Variants in CEP192 observed in about 807,000 individuals in gnomAD.
CEP192 encodes the protein centrosomal protein 192.
A neutral mutation model predicts 271.8 loss-of-function variants in CEP192; 151 were observed. The ratio of observed to expected loss-of-function variants is 0.56; its 90% CI spans 0.49 to 0.64. The LOEUF is 0.64. Among genes scored for constraint, CEP192 ranks in the 30% least tolerant of loss-of-function variants. The pLI is 0.00. For missense variants in CEP192, 2,910 were observed against 3,020.5 expected, an observed-to-expected ratio of 0.96 and a Z score of 0.86; for synonymous variants, 995 against 1,076.5, an observed-to-expected ratio of 0.92 and a Z score of 1.48.
Position 13,069,075 on chromosome 18 carries a change from G to T in CEP192, c.4963-14G>T, listed in dbSNP as rs776687525. On this transcript the variant is annotated splice_polypyrimidine_tract_variant and intron_variant, in intron 25 of 44. Transcript: ENST00000506447. ...GACAGTTCGTTGAAATGTCTGTCTT[G>T]CCCCATCCTCCAGACGATGCATTTC... 3.7e-6 allele frequency: 6 copies of T among 1,614,014 alleles called. No individual in the cohort carries two copies. The highest frequency in any genetic ancestry group is 5.1e-6 in the Non-Finnish European group (6 of 1,179,906).
At chr18:13,110,451 G>A (rs2040159237) in intron 40 of CEP192, among the ~76,000 whole-genome samples, 1 of 150,406 alleles carries the variant, frequency 6.6e-6, no homozygotes, top group African/African-American at 2.4e-5. Flanking sequence ...TTTTTAATAA[G>A]GGCACCAAGA....
chr18:13,115,916 C>T (rs561895106), intron 42 of CEP192, among the ~76,000 whole-genome samples: 2 of 152,116 alleles, frequency 1.3e-5, no homozygotes, highest in Non-Finnish European at 2.9e-5. Context: ...TGCAGAGACC[C>T]GGGAGTGGCC....
At chr18:13,066,998 T>TGTGTGTGTGC (rs756403300) in intron 21 of CEP192, among the ~76,000 whole-genome samples, 74 of 150,932 alleles carry the variant, frequency 4.9e-4, no homozygotes, top group African/African-American at 1.7e-3. Context: ...TGTGTGTGTG[T>TGTGTGTGTGC]GCCTGTATAA....
rs1353094716 is a variant in CEP192, at chr18:13,068,372, T to G, written c.4772T>G (p.Leu1591Arg). ...TTAATTTTATAGGATCCAGAATTTCTGATGATTTGGGTTCTTTTCCATAGT... is the reference window on the plus strand; with the variant it reads ...TTAATTTTATAGGATCCAGAATTTCGGATGATTTGGGTTCTTTTCCATAGT... The part of the protein sequence containing the change: ...ASYDGQDPEF[L>R]MIWVLFHSPK... Residue 1591 changes from leucine to arginine, a missense_variant, in exon 24 of 45, where the codon CTG becomes CGG. By Grantham distance (102) the Leu-to-Arg change is moderately radical. Coordinates refer to ENST00000506447, the MANE Select transcript of CEP192 (RefSeq NM_032142.4). 6 of 1,612,588 alleles carry G rather than the reference T, an allele frequency of 3.7e-6. No homozygotes were observed. The African/African-American group carries it at 5.3e-5, about 14-fold the overall frequency.
intron 18 of CEP192, among the ~76,000 whole-genome samples, chr18:13,055,095 T>C (rs1402654435): frequency 1.3e-5 from 2 of 151,916 alleles, no homozygotes; most frequent in Non-Finnish European, 2.9e-5. Flanking sequence ...CTGGCCAACA[T>C]GGTGAAACCC....
At chr18:13,070,631 G>T (rs2037962441) in intron 27 of CEP192, among the ~76,000 whole-genome samples, 1 of 152,192 alleles carries the variant, frequency 6.6e-6, no homozygotes, top group Non-Finnish European at 1.5e-5. Context: ...GACACACATG[G>T]CTTATCCCCC....
At chr18:13,107,517 T>TA (rs1482169585) in intron 40 of CEP192, among the ~76,000 whole-genome samples, 1 of 152,176 alleles carries the variant, frequency 6.6e-6, no homozygotes, top group Non-Finnish European at 1.5e-5. Flanking sequence ...TGGTTTTCAT[T>TA]AGCTCCAAAC....
At chr18:13,081,086 G>A (rs1211719508) in intron 30 of CEP192, among the ~76,000 whole-genome samples, 2 of 152,146 alleles carry the variant, frequency 1.3e-5, no homozygotes, top group African/African-American at 4.8e-5. Context: ...CAGAGATATT[G>A]GATTAAAATT....
intron 9 of CEP192, among the ~76,000 whole-genome samples, chr18:13,025,336 C>T (rs1446164407): frequency 6.6e-6 from 1 of 152,098 alleles, no homozygotes; most frequent in Non-Finnish European, 1.5e-5. Flanking sequence ...CCTGCCTCAG[C>T]CTTCTGAGCA....
At chr18:13,013,246 G>A (rs2034463167) in intron 5 of CEP192, among the ~76,000 whole-genome samples, 1 of 152,128 alleles carries the variant, frequency 6.6e-6, no homozygotes, top group Non-Finnish European at 1.5e-5. Flanking sequence ...GCTTGGTGAT[G>A]TCAGAGCTGA....
Position 13,092,506 on chromosome 18 carries a change from A to C in CEP192, c.6233A>C (p.Lys2078Thr). The change falls in exon 34 of 45, where the codon AAA (lysine) becomes ACA (threonine). Residue 2078 changes from lysine (K) to threonine (T), a missense_variant. Coordinates refer to ENST00000506447, the MANE Select transcript of CEP192 (RefSeq NM_032142.4). ...SSREFLQPSSKASLESTSDLG... is the reference protein window; with the variant it reads ...SSREFLQPSSTASLESTSDLG... ...AGAGAATTCCTTCAGCCTTCTTCCAAAGCTAGCTTGGAATCTACAAGGTAA... is the reference window on the plus strand; with the variant it reads ...AGAGAATTCCTTCAGCCTTCTTCCACAGCTAGCTTGGAATCTACAAGGTAA... The C allele has an allele frequency of 6.2e-7, 1 of 1,607,786 alleles. No individual in the cohort carries two copies. The highest frequency in any genetic ancestry group is 8.5e-7 in the Non-Finnish European group (1 of 1,177,848).
chr18:13,018,984 A>G (rs577719099), intron 8 of CEP192, 98 bp from the exon 9 acceptor site: 2 of 1,176,748 alleles, frequency 1.7e-6, no homozygotes, highest in Non-Finnish European at 2.3e-6. Context: ...GCTAAGTATT[A>G]GGGTTACATA....
intron 21 of CEP192, among the ~76,000 whole-genome samples, chr18:13,061,056 CT>C (rs1366210265): frequency 6.6e-6 from 1 of 152,220 alleles, no homozygotes; most frequent in East Asian, 1.9e-4. Flanking sequence ...GATGTGGTGT[CT>C]CATGCCTGTA....
chr18:13,008,679 C>A (rs971070395), intron 4 of CEP192, 48 bp downstream of exon 4: 2 of 1,327,770 alleles, frequency 1.5e-6, no homozygotes, highest in Non-Finnish European at 2.0e-6. Context: ...TTTTAATTTC[C>A]TTTTTCATTT....
chr18:13,038,867 T>A (rs1401377573), intron 13 of CEP192, among the ~76,000 whole-genome samples: 1 of 152,232 alleles, frequency 6.6e-6, no homozygotes, highest in Non-Finnish European at 1.5e-5. Flanking sequence ...ATGTAAAGCA[T>A]TTAGCACTAA....
intron 9 of CEP192, among the ~76,000 whole-genome samples, chr18:13,021,305 G>A (rs78527672): frequency 0.025 from 3,753 of 152,190 alleles, 164 homozygotes; most frequent in African/African-American, 0.083. Flanking sequence ...GTTAGGTAAG[G>A]GTCTAACTAA....
chr18:13,014,943 A>G (rs1373080596), intron 5 of CEP192, among the ~76,000 whole-genome samples: 1 of 152,156 alleles, frequency 6.6e-6, no homozygotes, highest in African/African-American at 2.4e-5. Context: ...TTCCAATGTA[A>G]TGGTGCAAAC....
chr18:13,109,040 A>G (rs1010884882), intron 40 of CEP192, among the ~76,000 whole-genome samples: 2 of 152,344 alleles, frequency 1.3e-5, no homozygotes, highest in Admixed American at 6.5e-5. Context: ...CAGTCCCACT[A>G]CTGGATATAT....
intron 1 of CEP192, among the ~76,000 whole-genome samples, chr18:12,996,515 A>G (rs562665229): frequency 4.9e-4 from 74 of 152,136 alleles, no homozygotes; most frequent in Non-Finnish European, 8.5e-4. Flanking sequence ...GAAAGGCCCA[A>G]GATGGAGGTG....
Sources: gnomAD v4.1 joint callset for allele counts (sites outside exome capture counted in the v4.1 genomes callset) on GRCh38, gnomAD v4.1.1 for gene constraint, MANE v1.5 for transcripts, NCBI Gene and HGNC (gene_info 2026-07-23, HGNC 2026-07-21) for gene names.